FREM1: variants seen among roughly 807,000 people sequenced by gnomAD.
The protein encoded by FREM1 is FRAS1 related extracellular matrix 1.
Under a neutral mutation model 210.1 loss-of-function variants are expected in FREM1, and 220 were observed. The ratio of observed to expected loss-of-function variants is 1.05; its 90% CI spans 0.94 to 1.17. The LOEUF is 1.17. Ranked by LOEUF, FREM1 falls within the 50% of genes most tolerant of loss-of-function variation. FREM1 has a pLI of 0.00. For synonymous variants in FREM1, 1,189 were observed against 980.2 expected (o/e 1.21, Z -3.98); for missense variants, 3,454 against 2,675.5 (o/e 1.29, Z -6.42).
At chr9:14,748,703 G>T in intron 30 of FREM1, 64 bp from the exon 31 acceptor site, 1 of 1,019,696 alleles carries the variant, frequency 9.8e-7, no homozygotes, top group Non-Finnish European at 1.5e-6. Flanking sequence ...GTATCACATT[G>T]ACACAGCTCC....
At chr9:14,753,116 A>C (rs1843677286) in intron 29 of FREM1, among the ~76,000 whole-genome samples, 1 of 152,298 alleles carries the variant, frequency 6.6e-6, no homozygotes, top group East Asian at 1.9e-4. Context: ...GTATTTGCTA[A>C]GTCCCTGAGA....
chr9:14,889,669 G>A (rs908930814), intron 1 of FREM1, among the ~76,000 whole-genome samples: 4 of 152,320 alleles, frequency 2.6e-5, no homozygotes, highest in East Asian at 1.9e-4. Context: ...GCCAGACTCA[G>A]AACTCTGGAG....
rs571541220 is a variant in FREM1, at chr9:14,887,049, T to C, written c.-267-17805A>G. 2.0e-5 allele frequency among the ~76,000 whole-genome samples: 3 copies of C among 152,298 alleles called. No individual in the cohort carries two copies. The East Asian group carries it at 5.8e-4, about 29-fold the overall frequency. ...GCATAAACTTTTAGGTGAATATAGT[T>C]ATCCACAGGACAACTGAATTGCATC... On this transcript the variant is annotated intron_variant, in intron 1 of 36. Coordinates refer to ENST00000380880, the MANE Select transcript of FREM1 (RefSeq NM_001379081.2).
chr9:14,788,837 AG>A lies in FREM1; in HGVS notation c.4177+81del. On this transcript the variant is annotated intron_variant, in intron 23 of 36. Coordinates refer to ENST00000380880, the MANE Select transcript of FREM1 (RefSeq NM_001379081.2). ...GGAAAAAAGGAAAGAAGGGAGGGAAAGAGAGAGAAAGAAACGAATGTGGAAT... is the reference window on the plus strand; with the variant it reads ...GGAAAAAAGGAAAGAAGGGAGGGAAAAGAGAGAAAGAAACGAATGTGGAAT... 3 of 1,038,446 alleles carry A rather than the reference AG, an allele frequency of 2.9e-6. No individual in the cohort carries two copies. In the East Asian group the frequency reaches 8.0e-5, roughly 28 times the overall value. The allele number at this position is 1,038,446 out of a possible 1,614,324, so 64.3% of individuals were successfully genotyped here.
At chr9:14,896,616 T>G (rs1837788274) in intron 1 of FREM1, among the ~76,000 whole-genome samples, 1 of 147,558 alleles carries the variant, frequency 6.8e-6, no homozygotes, top group Non-Finnish European at 1.5e-5. Flanking sequence ...GAAATAACCA[T>G]AAAAATGGGC....
In FREM1 at chr9:14,804,370, G is replaced by A. The variant is rs184263883; in HGVS notation, c.3471+586C>T. ...GAAGGCCGAGGCGGGCGGATCACGA[G>A]GTCAGGAGATCAAGACCATCCTGGC... On this transcript the variant is annotated intron_variant, in intron 19 of 36. Coordinates refer to ENST00000380880, the MANE Select transcript of FREM1 (RefSeq NM_001379081.2). Among the ~76,000 whole-genome samples the A allele has an allele frequency of 3.7e-3, 558 of 152,246 alleles. 3 individuals carry two copies. Among genetic ancestry groups the A allele is most frequent in the African/African-American group, 0.013 (539 of 41,552 alleles).
chr9:14,875,755 T>A (rs1388352593), intron 1 of FREM1, among the ~76,000 whole-genome samples: 1 of 152,186 alleles, frequency 6.6e-6, no homozygotes. Context: ...GGCGCTCTGC[T>A]TTTTAGAGTT....
At chr9:14,849,854 G>C (rs1376397518) in intron 6 of FREM1, among the ~76,000 whole-genome samples, 1 of 152,176 alleles carries the variant, frequency 6.6e-6, no homozygotes, top group African/African-American at 2.4e-5. Flanking sequence ...CACACAGGAA[G>C]AGGCCAGAAA....
chr9:14,880,208 C>T lies in FREM1; in HGVS notation c.-267-10964G>A, dbSNP rs548273202. 2.6e-5 allele frequency among the ~76,000 whole-genome samples: 4 copies of T among 152,272 alleles called. No individual in the cohort carries two copies. The South Asian group carries it at 6.2e-4, about 24-fold the overall frequency. The stretch of plus-strand genomic sequence containing the variant: ...GAACTGTGAGGAATAAAGTTCTATT[C>T]TTTAAGCCACCCTGTCTACGGTATT... On this transcript the variant is annotated intron_variant, in intron 1 of 36. Coordinates refer to ENST00000380880, the MANE Select transcript of FREM1 (RefSeq NM_001379081.2).
chr9:14,865,933 G>C (rs1415304316), intron 2 of FREM1, among the ~76,000 whole-genome samples: 1 of 138,404 alleles, frequency 7.2e-6, no homozygotes, highest in African/African-American at 2.7e-5. Context: ...TTTAATATTT[G>C]GCCAAAAAAA....
rs765382993 is a variant in FREM1, at chr9:14,812,905, G to T, written c.2800C>A (p.Pro934Thr). Residue 934 changes from proline to threonine, a missense_variant, in exon 16 of 37, where the codon CCT (proline) becomes ACT (threonine). Physicochemically the swap from Pro to Thr is conservative, Grantham distance 38. Coordinates refer to ENST00000380880, the MANE Select transcript of FREM1 (RefSeq NM_001379081.2). ...LKLMFVIARE[P>T]QHGVVRRAGV... ...GCTCTCCTCACCACCCCATGCTGAG[G>T]TTCGCGAGCAATCACAAACATCAAC... The T allele has an allele frequency of 6.2e-7, 1 of 1,613,858 alleles. No individual in the cohort carries two copies. The highest frequency in any genetic ancestry group is 1.1e-5 in the South Asian group (1 of 91,074).
In FREM1 at chr9:14,819,252, A is replaced by T; in HGVS notation, c.2528T>A (p.Leu843His). 1 of 1,612,650 alleles carries T rather than the reference A, an allele frequency of 6.2e-7. No individual in the cohort carries two copies. Among genetic ancestry groups the T allele is most frequent in the Non-Finnish European group, 8.5e-7 (1 of 1,178,954 alleles). Reference protein sequence around the residue: ...NSGGTFSWGDLHTLKVRYQHD... With the variant: ...NSGGTFSWGDHHTLKVRYQHD... The stretch of plus-strand genomic sequence containing the variant: ...TTCTAACCTAACTTTTAAGGTATGG[A>T]GATCGCCCCAAGAAAATGTGCCCCC... Residue 843 changes from leucine (L) to histidine (H), a missense_variant, in exon 14 of 37, where the codon CTC becomes CAC. By Grantham distance (99) the Leu-to-His change is moderately conservative. Transcript: ENST00000380880.
chr9:14,806,910 C>A, intron 17 of FREM1, 64 bp from the exon 18 acceptor site: 2 of 965,484 alleles, frequency 2.1e-6, no homozygotes, highest in South Asian at 2.3e-5. Flanking sequence ...CTGGGTAGGA[C>A]AAAATGCAGT....
At chr9:14,850,382 C>T (rs2131370926) in intron 6 of FREM1, 1 of 148,718 alleles carries the variant, frequency 6.7e-6, no homozygotes, top group South Asian at 2.2e-4. Flanking sequence ...CCATAAAAAG[C>T]TCTCACAAAA....
At chr9:14,833,466 C>T (rs994589100) in intron 10 of FREM1, among the ~76,000 whole-genome samples, 82 of 152,256 alleles carry the variant, frequency 5.4e-4, no homozygotes, top group African/African-American at 1.6e-3. Flanking sequence ...TTGTTTGGGT[C>T]GGATCTCTTT....
At chr9:14,899,413 A>C (rs1838369678) in intron 1 of FREM1, among the ~76,000 whole-genome samples, 1 of 152,198 alleles carries the variant, frequency 6.6e-6, no homozygotes, top group South Asian at 2.1e-4. Context: ...TGCAGGTGGG[A>C]GGGTGTTCTC....
At chr9:14,859,054 T>C in intron 4 of FREM1, 129 bp downstream of exon 4, 3 of 668,844 alleles carry the variant, frequency 4.5e-6, no homozygotes, top group Middle Eastern at 7.2e-4. Context: ...TCTTAACCAC[T>C]AACTGACACT....
rs117391257 is a variant in FREM1, at chr9:14,749,484, G to A, written c.5557+643C>T. Among the ~76,000 whole-genome samples, 90 of 152,194 alleles carry A rather than the reference G, an allele frequency of 5.9e-4. 1 individual carries two copies. In the East Asian group the frequency reaches 0.014, roughly 24 times the overall value. The stretch of plus-strand genomic sequence containing the variant: ...GGGAGTGTAAGATTGAGTATGGTAC[G>A]AACACTCGTCAAATGCTAAAAAGAC... On this transcript the variant is annotated intron_variant, in intron 30 of 36. Coordinates refer to ENST00000380880, the MANE Select transcript of FREM1 (RefSeq NM_001379081.2).
intron 36 of FREM1, among the ~76,000 whole-genome samples, chr9:14,739,491 ATTC>A (rs1841103034): frequency 7.1e-6 from 1 of 140,640 alleles, no homozygotes; most frequent in Admixed American, 7.1e-5. Flanking sequence ...ATATATATAT[ATTC>A]ATATATATAT....
Sources: gnomAD v4.1 joint callset for allele counts (sites outside exome capture counted in the v4.1 genomes callset) on GRCh38, gnomAD v4.1.1 for gene constraint, MANE v1.5 for transcripts, NCBI Gene and HGNC (gene_info 2026-07-23, HGNC 2026-07-21) for gene names.